Variants in LMF1 observed in about 807,000 individuals in gnomAD.
The protein encoded by LMF1 is transmembrane protein 112.
In LMF1, 68 loss-of-function variants were observed where a neutral mutation model predicts 60.6. The observed-to-expected ratio is 1.12, with a 90% CI of 0.92 to 1.37. LMF1 has a LOEUF of 1.37. LMF1 is among the 40% of genes most tolerant of loss of function. The pLI is 0.00. For synonymous variants in LMF1, 418 were observed against 324.7 expected, an observed-to-expected ratio of 1.29 and a Z score of -3.09; for missense variants, 948 against 767.2, an observed-to-expected ratio of 1.24 and a Z score of -2.78.
chr16:915,089 G>A (rs1449564406), intron 3 of LMF1, among the ~76,000 whole-genome samples: 1 of 152,200 alleles, frequency 6.6e-6, no homozygotes, highest in Non-Finnish European at 1.5e-5. Flanking sequence ...CTTCCTAGAT[G>A]GCAGGGTCCT....
chr16:965,540 A>G (rs1342160447), intron 1 of LMF1, among the ~76,000 whole-genome samples: 4 of 152,234 alleles, frequency 2.6e-5, no homozygotes, highest in African/African-American at 9.6e-5. Flanking sequence ...AGGGAGAAGA[A>G]GAGTCAGATG....
At chr16:860,946 T>C (rs1227325892) in intron 10 of LMF1, among the ~76,000 whole-genome samples, 1 of 152,172 alleles carries the variant, frequency 6.6e-6, no homozygotes, top group Non-Finnish European at 1.5e-5. Flanking sequence ...GTTTTAGCTA[T>C]TTTTGCTCCT....
chr16:938,572 C>G (rs2072007965), intron 2 of LMF1, among the ~76,000 whole-genome samples: 2 of 152,216 alleles, frequency 1.3e-5, no homozygotes, highest in African/African-American at 4.8e-5. Flanking sequence ...ATGGTAATAA[C>G]AAGAGGTGTC....
chr16:895,056 G>T (rs534897226), intron 4 of LMF1, among the ~76,000 whole-genome samples: 1 of 152,286 alleles, frequency 6.6e-6, no homozygotes, highest in South Asian at 2.1e-4. Context: ...AGGAGGCCGC[G>T]GGGGGAGGCC....
chr16:892,396 C>G lies in LMF1; in HGVS notation c.729+611G>C, dbSNP rs1032636666. On this transcript the variant is annotated intron_variant, in intron 5 of 10. Transcript: ENST00000262301. Reference sequence around the variant, plus strand: ...GACTGAGAACAAATGACTATCCAAGCTCCAGGCCCCAGACCACCCCCAGCC... The same window carrying G: ...GACTGAGAACAAATGACTATCCAAGGTCCAGGCCCCAGACCACCCCCAGCC... 5.3e-5 allele frequency among the ~76,000 whole-genome samples: 8 copies of G among 152,310 alleles called. 1 individual carries two copies. The highest frequency in any genetic ancestry group is 2.6e-4 in the Admixed American group (4 of 15,308).
intron 4 of LMF1, chr16:899,876 C>T (rs2070761830): frequency 6.6e-6 from 1 of 152,258 alleles, no homozygotes; most frequent in African/African-American, 2.4e-5. Context: ...GGTGGCAGCA[C>T]ACACGTGGGA....
At chr16:900,762 G>A (rs894503880) in intron 4 of LMF1, 2 of 151,028 alleles carry the variant, frequency 1.3e-5, no homozygotes, top group Non-Finnish European at 1.5e-5. Context: ...CACCATGTTG[G>A]CCAGGCTGGT....
At chr16:876,920 G>T (rs1011598558) in intron 6 of LMF1, among the ~76,000 whole-genome samples, 1 of 152,216 alleles carries the variant, frequency 6.6e-6, no homozygotes, top group Non-Finnish European at 1.5e-5. Context: ...ACACAAAGAT[G>T]TGGAAATACG....
At chr16:854,950 G>A (rs893965499) in intron 10 of LMF1, 23 of 577,986 alleles carry the variant, frequency 4.0e-5, no homozygotes, top group Admixed American at 5.9e-5. Context: ...GGGCAGCTCC[G>A]GGAGGGGAGA....
chr16:979,193 C>A (rs1051957612), intron 1 of LMF1: 34 of 428,856 alleles, frequency 7.9e-5, no homozygotes, highest in South Asian at 4.6e-4. Context: ...TCCGTCCCGG[C>A]GTCCTCTCAG....
At chr16:872,919 G>GCCTGCCTGGGTCAGGGTGGGC (rs1022691787) in intron 6 of LMF1, 7 of 152,276 alleles carry the variant, frequency 4.6e-5, no homozygotes, top group Admixed American at 3.3e-4. Context: ...CTGAGCACCT[G>GCCTGCCTGGGTCAGGGTGGGC]CCTGCCTGGG....
chr16:860,737 G>C (rs941380517), intron 10 of LMF1, among the ~76,000 whole-genome samples: 5 of 152,094 alleles, frequency 3.3e-5, no homozygotes, highest in Admixed American at 3.3e-4. Flanking sequence ...TTTTGTTTTT[G>C]TCCATGGAAT....
intron 1 of LMF1, among the ~76,000 whole-genome samples, chr16:959,906 G>A (rs867621405): frequency 3.3e-5 from 5 of 152,192 alleles, no homozygotes; most frequent in African/African-American, 9.7e-5. Context: ...GGAATACACC[G>A]TGTGCCAGGT....
intron 3 of LMF1, among the ~76,000 whole-genome samples, chr16:923,008 T>C (rs113852562): frequency 8.1e-5 from 8 of 98,856 alleles, no homozygotes; most frequent in South Asian, 4.5e-4. Context: ...GTGGTGTTGG[T>C]GTCGTGTTGT....
intron 3 of LMF1, chr16:920,926 G>T (rs1231564501): frequency 2.0e-5 from 3 of 152,264 alleles, no homozygotes; most frequent in African/African-American, 7.2e-5. Context: ...ATCTCCAGCA[G>T]CAAAGGACAC....
chr16:931,818 ACTCAGGCTCACGAGGGCT>A, intron 3 of LMF1: 1 of 1,275,564 alleles, frequency 7.8e-7, no homozygotes, highest in Non-Finnish European at 1.0e-6. Context: ...ACAACATGAA[ACTCAGGCTCACGAGGGCT>A]CTCAGGCGGA....
intron 2 of LMF1, among the ~76,000 whole-genome samples, chr16:942,689 C>G (rs1363480302): frequency 7.1e-6 from 1 of 140,208 alleles, no homozygotes; most frequent in Non-Finnish European, 1.6e-5. Context: ...TCTGTGTCCT[C>G]TCTCTGTGGG....
intron 5 of LMF1, 28 bp downstream of exon 5, chr16:892,979 C>T: frequency 4.6e-6 from 7 of 1,521,604 alleles, no homozygotes; most frequent in Non-Finnish European, 6.2e-6. Flanking sequence ...ACCGGGTGCC[C>T]TGCCCTCACG....
Position 970,946 on chromosome 16 carries a change from G to C in LMF1, c.35C>G (p.Ala12Gly). 6.5e-7 allele frequency: 1 copy of C among 1,543,440 alleles called. No individual in the cohort carries two copies. Among genetic ancestry groups the C allele is most frequent in the Non-Finnish European group, 8.8e-7 (1 of 1,140,226 alleles). ...RPDSPTMAAPAESLRRRKTGY... is the reference protein window; with the variant it reads ...RPDSPTMAAPGESLRRRKTGY... ...AGTCTTCCGCCTCCTCAGCGACTCCGCGGGCGCCGCCATTGTTGGGCTGTC... is the reference window on the plus strand; with the variant it reads ...AGTCTTCCGCCTCCTCAGCGACTCCCCGGGCGCCGCCATTGTTGGGCTGTC... Residue 12 changes from alanine (A) to glycine (G), a missense_variant, in exon 1 of 11, where the codon GCG (alanine) becomes GGG (glycine). Transcript: ENST00000262301.
Sources: allele counts gnomAD v4.1 joint callset (sites outside exome capture counted in the v4.1 genomes callset), GRCh38; gene constraint gnomAD v4.1.1; transcripts MANE v1.5; gene names NCBI Gene and HGNC (gene_info 2026-07-23, HGNC 2026-07-21).